The following EPS15 variants were observed in gnomAD, a reference collection of about 807,000 sequenced individuals.
EPS15 encodes epidermal growth factor receptor substrate 15.
Under a neutral mutation model 113.8 loss-of-function variants are expected in EPS15, and 72 were observed. That is an observed-to-expected ratio of 0.63 (90% CI 0.52 to 0.77). The LOEUF is 0.77. EPS15 is among the 30% of genes least tolerant of loss of function. EPS15 has a pLI of 0.00. For synonymous variants in EPS15, 344 were observed against 363.4 expected (o/e 0.95, Z 0.61); for missense variants, 1,048 against 1,045.8 (o/e 1.00, Z -0.03).
At chr1:51,396,018 T>C (rs1225461829) in intron 20 of EPS15, among the ~76,000 whole-genome samples, 3 of 152,194 alleles carry the variant, frequency 2.0e-5, no homozygotes, top group Non-Finnish European at 4.4e-5. Context: ...CTTCTCTCTT[T>C]ATAAAAGAGA....
chr1:51,405,876 T>C, intron 16 of EPS15, 29 bp downstream of exon 16: 1 of 1,585,952 alleles, frequency 6.3e-7, no homozygotes, highest in East Asian at 2.2e-5. Context: ...GGAGGTTGAT[T>C]ATGAAGGTTA....
At position 51,423,676 on chromosome 1, in the gene EPS15, T is replaced by A. The variant is rs1048440746; in HGVS notation, c.1041-1818A>T. The A allele has an allele frequency of 3.2e-5, 32 of 985,258 alleles. No individual in the cohort carries two copies. The African/African-American group carries it at 4.4e-4, about 13-fold the overall frequency. 61.0% of individuals were successfully genotyped at this position (985,258 alleles called of 1,614,324 possible). On this transcript the variant is annotated intron_variant, in intron 12 of 24. Transcript: ENST00000371733. The stretch of plus-strand genomic sequence containing the variant: ...TTGTACTGAATTCTTTCTGCTCTGC[T>A]GCTAACTGCTGTCACTGACAGTGTC...
chr1:51,400,918 C>T lies in EPS15; in HGVS notation c.1918G>A (p.Asp640Asn), dbSNP rs368512024. The T allele has an allele frequency of 1.9e-6, 3 of 1,577,856 alleles. No individual in the cohort carries two copies. Among genetic ancestry groups the T allele is most frequent in the East Asian group, 2.3e-5 (1 of 43,234 alleles). Residue 640 changes from aspartate to asparagine, a missense_variant and splice_region_variant, in exon 19 of 25, where the codon GAT (aspartate) becomes AAT (asparagine). Transcript: ENST00000371733. ...AGATGAAACTCAATAAGATACTGAC[C>T]GATTTTTCCAAAAGGATCATCCTTG... ...PFKDDPFGKI[D>N]PFGGDPFKGS...
At chr1:51,452,428 G>A (rs1446464409) in intron 8 of EPS15, among the ~76,000 whole-genome samples, 1 of 152,062 alleles carries the variant, frequency 6.6e-6, no homozygotes, top group African/African-American at 2.4e-5. Flanking sequence ...GACTACATGC[G>A]TACGTCACCA....
At chr1:51,406,990 G>T (rs1649193012) in intron 15 of EPS15, among the ~76,000 whole-genome samples, 1 of 151,998 alleles carries the variant, frequency 6.6e-6, no homozygotes, top group Admixed American at 6.6e-5. Flanking sequence ...CAGATAACAG[G>T]GGGTAAGGAA....
At chr1:51,436,862 G>A (rs1030713505) in intron 12 of EPS15, among the ~76,000 whole-genome samples, 2 of 152,092 alleles carry the variant, frequency 1.3e-5, no homozygotes, top group Admixed American at 6.6e-5. Context: ...ACAGAGGTGA[G>A]GGGACAATTA....
intron 8 of EPS15, among the ~76,000 whole-genome samples, chr1:51,450,276 TATAA>T (rs1310136208): frequency 6.6e-6 from 1 of 151,798 alleles, no homozygotes; most frequent in African/African-American, 2.4e-5. Flanking sequence ...TTTGTATTGC[TATAA>T]ATAAATACCT....
rs188301044 is a variant in EPS15 at position 51,383,881 on chromosome 1, A to T, written c.2119+10500T>A. On this transcript the variant is annotated intron_variant, in intron 21 of 24. Coordinates refer to ENST00000371733, the MANE Select transcript of EPS15 (RefSeq NM_001981.3). The stretch of plus-strand genomic sequence containing the variant: ...AAAAACAATTAGAACTAATAGTTGA[A>T]TTTGGCACAGTAGCAGGATACAAAA... Among the ~76,000 whole-genome samples the T allele has an allele frequency of 1.9e-3, 293 of 152,330 alleles. 1 individual carries two copies. Among genetic ancestry groups the T allele is most frequent in the Non-Finnish European group, 3.0e-3 (201 of 68,028 alleles).
intron 24 of EPS15, among the ~76,000 whole-genome samples, chr1:51,357,428 T>TATATATATA (rs1557761744): frequency 1.8e-4 from 12 of 65,658 alleles, no homozygotes; most frequent in Admixed American, 4.5e-4. Context: ...ATATATATAT[T>TATATATATA]TTTTTTTTTT....
At chr1:51,459,911 T>C (rs1425667526) in intron 8 of EPS15, among the ~76,000 whole-genome samples, 2 of 151,630 alleles carry the variant, frequency 1.3e-5, no homozygotes, top group South Asian at 2.1e-4. Flanking sequence ...TAAAGAGAAC[T>C]GAAGAAACAT....
intron 9 of EPS15, 77 bp downstream of exon 9, chr1:51,447,969 A>G: frequency 6.4e-7 from 1 of 1,560,560 alleles, no homozygotes; most frequent in Non-Finnish European, 8.7e-7. Context: ...TAAAATGCCT[A>G]CAGATGGTAA....
At chr1:51,473,617 CAG>C (rs1655399303) in intron 2 of EPS15, among the ~76,000 whole-genome samples, 3 of 151,652 alleles carry the variant, frequency 2.0e-5, no homozygotes, top group African/African-American at 7.3e-5. Flanking sequence ...ACAACAAAAA[CAG>C]GAAAAAAAAG....
In EPS15 at chr1:51,400,905, A is replaced by G. The variant is rs374571540; in HGVS notation, c.1918+13T>C. 78 of 1,562,784 alleles carry G rather than the reference A, an allele frequency of 5.0e-5. No individual in the cohort carries two copies. Among genetic ancestry groups the G allele is most frequent in the African/African-American group, 2.6e-4 (19 of 73,016 alleles). On this transcript the variant is annotated intron_variant, in intron 19 of 24. Coordinates refer to ENST00000371733, the MANE Select transcript of EPS15 (RefSeq NM_001981.3). The stretch of plus-strand genomic sequence containing the variant: ...TGAATGAAAGCTAAGATGAAACTCA[A>G]TAAGATACTGACCGATTTTTCCAAA...
chr1:51,469,087 G>A (rs926011222), intron 4 of EPS15, among the ~76,000 whole-genome samples: 3 of 152,054 alleles, frequency 2.0e-5, no homozygotes, highest in South Asian at 2.1e-4. Flanking sequence ...CCGAGATCGG[G>A]CTACTGCGCT....
At chr1:51,397,514 T>A (rs553332176) in intron 20 of EPS15, among the ~76,000 whole-genome samples, 1 of 152,252 alleles carries the variant, frequency 6.6e-6, no homozygotes, top group African/African-American at 2.4e-5. Context: ...GAGGCTAGAA[T>A]AAGAAGGTGA....
intron 19 of EPS15, among the ~76,000 whole-genome samples, chr1:51,400,641 G>A (rs1390938112): frequency 7.0e-6 from 1 of 142,122 alleles, no homozygotes; most frequent in Non-Finnish European, 1.5e-5. Context: ...AGGCTGCAGT[G>A]AGCCATGATC....
intron 6 of EPS15, among the ~76,000 whole-genome samples, chr1:51,464,194 T>G (rs1202142370): frequency 6.6e-6 from 1 of 152,132 alleles, no homozygotes; most frequent in African/African-American, 2.4e-5. Context: ...ATTAGTGACA[T>G]TCCATGACTC....
intron 1 of EPS15, among the ~76,000 whole-genome samples, chr1:51,506,624 ATAAAGC>A (rs1644502862): frequency 6.6e-6 from 1 of 152,102 alleles, no homozygotes; most frequent in Non-Finnish European, 1.5e-5. Context: ...CTCTGAGGGT[ATAAAGC>A]AGAAAACGTG....
At chr1:51,400,712 CAAAAAAAAAAAA>C (rs375748381) in intron 19 of EPS15, among the ~76,000 whole-genome samples, 194 bp downstream of exon 19, 5 of 60,192 alleles carry the variant, frequency 8.3e-5, no homozygotes, top group South Asian at 6.3e-4. Context: ...CAAAAAACAC[CAAAAAAAAAAAA>C]AAAAAAAAAA....
Sources: gnomAD v4.1 joint callset for allele counts (sites outside exome capture counted in the v4.1 genomes callset) on GRCh38, gnomAD v4.1.1 for gene constraint, MANE v1.5 for transcripts, NCBI Gene and HGNC (gene_info 2026-07-23, HGNC 2026-07-21) for gene names.